TAOK1: variants seen among roughly 807,000 people sequenced by gnomAD.
TAOK1 encodes serine/threonine-protein kinase TAO1.
A neutral mutation model predicts 138.3 loss-of-function variants in TAOK1; 21 were observed. That is an observed-to-expected ratio of 0.15 (90% CI 0.11 to 0.22). The LOEUF (loss-of-function observed/expected upper bound fraction) is 0.22. Ranked by LOEUF, TAOK1 falls within the 10% of genes least tolerant of loss-of-function variation. The pLI is 1.00. For missense variants in TAOK1, 651 were observed against 1,227.7 expected (o/e 0.53, Z 7.02); for synonymous variants, 361 against 398.4 (o/e 0.91, Z 1.12).
At chr17:29,432,210 T>G (rs1236606142) in intron 1 of TAOK1, among the ~76,000 whole-genome samples, 1 of 152,166 alleles carries the variant, frequency 6.6e-6, no homozygotes, top group Non-Finnish European at 1.5e-5. Flanking sequence ...TTCTATAGAT[T>G]ATAGATTAAC....
At chr17:29,507,353 T>C (rs2031647632) in intron 13 of TAOK1, among the ~76,000 whole-genome samples, 1 of 152,048 alleles carries the variant, frequency 6.6e-6, no homozygotes. Flanking sequence ...AAAGATATTT[T>C]GTGTTTCTGC....
rs559704404 is a variant in TAOK1, at chr17:29,439,295, C to T, written c.-94-12160C>T. Among the ~76,000 whole-genome samples the T allele has an allele frequency of 1.3e-4, 20 of 151,538 alleles. No individual in the cohort carries two copies. In the South Asian group the frequency reaches 2.5e-3, roughly 19 times the overall value. On this transcript the variant is annotated intron_variant, in intron 1 of 19. Coordinates refer to ENST00000261716, the MANE Select transcript of TAOK1 (RefSeq NM_020791.4). Reference sequence around the variant, plus strand: ...TGGGCTCACTGCAACCTCCGTCTCCCGGCTTCAAGCAATTCTCCTGCCTCA... The same window carrying T: ...TGGGCTCACTGCAACCTCCGTCTCCTGGCTTCAAGCAATTCTCCTGCCTCA...
At chr17:29,494,825 CAAAAAAAAA>C (rs368548444) in intron 10 of TAOK1, among the ~76,000 whole-genome samples, 2 of 48,314 alleles carry the variant, frequency 4.1e-5, no homozygotes, top group South Asian at 6.4e-4. Context: ...GACTCCGTCT[CAAAAAAAAA>C]AAAAAAAAAA....
intron 1 of TAOK1, among the ~76,000 whole-genome samples, chr17:29,410,096 GAA>G (rs1158292252): frequency 6.6e-6 from 1 of 152,164 alleles, no homozygotes; most frequent in Non-Finnish European, 1.5e-5. Flanking sequence ...GTAAAGTGGT[GAA>G]AAAGTTTATC....
intron 1 of TAOK1, among the ~76,000 whole-genome samples, chr17:29,440,018 G>A (rs1364000249): frequency 1.3e-5 from 2 of 151,848 alleles, no homozygotes; most frequent in Non-Finnish European, 2.9e-5. Flanking sequence ...CAGTGTATGC[G>A]TGGAATTTTT....
chr17:29,461,210 C>T (rs1475240015), intron 2 of TAOK1, among the ~76,000 whole-genome samples: 2 of 152,062 alleles, frequency 1.3e-5, no homozygotes, highest in Non-Finnish European at 2.9e-5. Context: ...ATTACTCAAA[C>T]GTTGGTGAAA....
chr17:29,440,733 A>G (rs1436260369), intron 1 of TAOK1, among the ~76,000 whole-genome samples: 1 of 151,718 alleles, frequency 6.6e-6, no homozygotes, highest in African/African-American at 2.4e-5. Context: ...GTGCCACCTC[A>G]CCCTGCTAAT....
intron 7 of TAOK1, among the ~76,000 whole-genome samples, chr17:29,480,712 A>G (rs1188017913): frequency 6.6e-6 from 1 of 151,804 alleles, no homozygotes; most frequent in East Asian, 1.9e-4. Flanking sequence ...CTACCAAAAA[A>G]TACAAAAATT....
At chr17:29,418,644 A>G (rs777199937) in intron 1 of TAOK1, among the ~76,000 whole-genome samples, 8 of 152,148 alleles carry the variant, frequency 5.3e-5, no homozygotes, top group Non-Finnish European at 1.0e-4. Flanking sequence ...ATCTTCCTGT[A>G]TACTTTAAAT....
chr17:29,531,218 C>T (rs909972302), intron 18 of TAOK1, among the ~76,000 whole-genome samples: 1 of 151,406 alleles, frequency 6.6e-6, no homozygotes, highest in East Asian at 2.0e-4. Context: ...CCGCCCGCCT[C>T]GGCCTCCCAA....
intron 11 of TAOK1, among the ~76,000 whole-genome samples, chr17:29,497,286 A>G (rs938805515): frequency 6.6e-6 from 1 of 152,118 alleles, no homozygotes; most frequent in Non-Finnish European, 1.5e-5. Context: ...GTCAAATATA[A>G]GACTTTATAA....
rs541682077 is a variant in TAOK1 at position 29,545,242 on chromosome 17, C to T, written c.*2220C>T. 12 of 151,830 alleles carry T rather than the reference C, an allele frequency of 7.9e-5. No homozygotes were observed. Among genetic ancestry groups the T allele is most frequent in the East Asian group, 1.9e-4 (1 of 5,168 alleles). 9.4% of individuals were successfully genotyped at this position (151,830 alleles called of 1,614,324 possible). ...TCTTTTTTGCATTCAGGTATTATAG[C>T]GTTTCCAACAAATTGAGAAATTACT... On this transcript the variant is annotated 3_prime_UTR_variant, in exon 20 of 20. Transcript: ENST00000261716.
Position 29,547,934 on chromosome 17 carries a change from A to G in TAOK1, c.*4912A>G, listed in dbSNP as rs1156635616. 6.6e-6 allele frequency: 1 copy of G among 152,118 alleles called. No individual in the cohort carries two copies. The allele number at this position is 152,118 out of a possible 1,614,324, so 9.4% of individuals were successfully genotyped here. A position where few individuals can be genotyped will look rare whatever the true frequency, so the allele number is the denominator to read the frequency against. ...GAAGTCTGTTTTGCTGTGTCTGGTT[A>G]TGTTGTCTGCACTTTTATGAAATCA... On this transcript the variant is annotated 3_prime_UTR_variant, in exon 20 of 20. Transcript: ENST00000261716.
At chr17:29,523,548 C>T (rs763051555) in intron 17 of TAOK1, among the ~76,000 whole-genome samples, 116 of 152,194 alleles carry the variant, frequency 7.6e-4, no homozygotes, top group Non-Finnish European at 1.5e-3. Context: ...CCACCACGCC[C>T]GGCTAATTTT....
At chr17:29,440,574 CTT>C (rs1167686181) in intron 1 of TAOK1, among the ~76,000 whole-genome samples, 6 of 145,692 alleles carry the variant, frequency 4.1e-5, no homozygotes, top group African/African-American at 1.3e-4. Context: ...ATATCAATTA[CTT>C]TTTTTTTTTT....
At chr17:29,539,598 G>A (rs937008057) in intron 19 of TAOK1, among the ~76,000 whole-genome samples, 5 of 152,026 alleles carry the variant, frequency 3.3e-5, no homozygotes, top group African/African-American at 9.7e-5. Flanking sequence ...CACCATGCCC[G>A]GCTAATCATG....
chr17:29,502,863 G>C (rs1387257455), intron 13 of TAOK1, 140 bp downstream of exon 13: 1 of 924,402 alleles, frequency 1.1e-6, no homozygotes, highest in African/African-American at 1.7e-5. Context: ...TGCCTATTAA[G>C]AGAAAGATGT....
chr17:29,531,294 T>A (rs980461643), intron 18 of TAOK1, among the ~76,000 whole-genome samples: 34 of 151,632 alleles, frequency 2.2e-4, no homozygotes, highest in Admixed American at 6.6e-4. Context: ...TTATTTATTT[T>A]TTTAGATGGA....
At chr17:29,433,252 G>A (rs1905907450) in intron 1 of TAOK1, among the ~76,000 whole-genome samples, 1 of 151,966 alleles carries the variant, frequency 6.6e-6, no homozygotes, top group African/African-American at 2.4e-5. Flanking sequence ...CCAACATGGT[G>A]AAACCCTGTC....
Sources: gnomAD v4.1 joint callset for allele counts (sites outside exome capture counted in the v4.1 genomes callset) on GRCh38, gnomAD v4.1.1 for gene constraint, MANE v1.5 for transcripts, NCBI Gene and HGNC (gene_info 2026-07-23, HGNC 2026-07-21) for gene names.